Variants in IPO11 observed in about 807,000 individuals in gnomAD.
IPO11 encodes the protein importin-11.
A neutral mutation model predicts 143.2 loss-of-function variants in IPO11; 66 were observed. The ratio of observed to expected loss-of-function variants is 0.46; its 90% confidence interval spans 0.38 to 0.57. IPO11 has a LOEUF of 0.57. Among genes scored for constraint, IPO11 ranks in the 20% least tolerant of loss-of-function variants. IPO11 has a pLI of 0.00. For synonymous variants in IPO11, 385 were observed against 377.8 expected (o/e 1.02, Z -0.22); for missense variants, 1,026 against 1,141.0 (o/e 0.90, Z 1.45).
chr5:62,604,394 G>A (rs531653804), intron 29 of IPO11, among the ~76,000 whole-genome samples: 10 of 152,112 alleles, frequency 6.6e-5, no homozygotes, highest in East Asian at 3.9e-4. Context: ...TATTTTTAGT[G>A]GGCACGGGGT....
At chr5:62,523,985 T>C (rs1742286551) in intron 20 of IPO11, among the ~76,000 whole-genome samples, 1 of 152,172 alleles carries the variant, frequency 6.6e-6, no homozygotes, top group South Asian at 2.1e-4. Flanking sequence ...ATCCCATGTG[T>C]CCTTCACCCA....
Position 62,437,350 on chromosome 5 carries a change from T to G in IPO11, c.71T>G (p.Val24Gly), listed in dbSNP as rs762230614. The G allele has an allele frequency of 6.2e-7, 1 of 1,613,020 alleles. No individual in the cohort carries two copies. Among genetic ancestry groups the G allele is most frequent in the East Asian group, 2.2e-5 (1 of 44,838 alleles). The change falls in exon 2 of 30, where the codon GTG becomes GGG. Residue 24 changes from valine (V) to glycine (G), a missense_variant. By Grantham distance (109) the Val-to-Gly change is moderately radical (BLOSUM62 -3). Transcript: ENST00000325324. ...LTQATSQDTA[V>G]LKPAEEQLKQ... ...CAGGCCACCAGTCAGGATACTGCTGTGTTAAAACCAGCTGAGGAGCAGTTG... is the reference window on the plus strand; with the variant it reads ...CAGGCCACCAGTCAGGATACTGCTGGGTTAAAACCAGCTGAGGAGCAGTTG...
intron 1 of IPO11, among the ~76,000 whole-genome samples, chr5:62,426,140 AC>A (rs1299137523): frequency 1.3e-5 from 2 of 152,184 alleles, no homozygotes; most frequent in Non-Finnish European, 2.9e-5. Flanking sequence ...TAATCCCAGC[AC>A]TTTGGGAGGC....
intron 27 of IPO11, among the ~76,000 whole-genome samples, chr5:62,574,898 C>T (rs373684617): frequency 3.9e-5 from 6 of 152,198 alleles, no homozygotes; most frequent in South Asian, 2.1e-4. Context: ...CTTTTAAAGC[C>T]GCATAGTCAC....
chr5:62,535,917 G>T (rs550043704), intron 22 of IPO11, among the ~76,000 whole-genome samples: 4 of 152,084 alleles, frequency 2.6e-5, no homozygotes, highest in Non-Finnish European at 4.4e-5. Flanking sequence ...AATTTTACAC[G>T]TACAGCCTGT....
At chr5:62,516,340 C>G (rs1189314319) in intron 20 of IPO11, among the ~76,000 whole-genome samples, 1 of 151,924 alleles carries the variant, frequency 6.6e-6, no homozygotes, top group African/African-American at 2.4e-5. Context: ...GTTGCACAGG[C>G]TGGAGCACAG....
At chr5:62,480,799 T>A (rs1035039504) in intron 9 of IPO11, among the ~76,000 whole-genome samples, 2 of 152,168 alleles carry the variant, frequency 1.3e-5, no homozygotes, top group Admixed American at 6.5e-5. Flanking sequence ...TCTGAGACTT[T>A]GCTGAAGTTG....
At position 62,586,752 on chromosome 5, in the gene IPO11, CAAAAAAA is replaced by C. The variant is rs763383085; in HGVS notation, c.2583-4814_2583-4808del. On this transcript the variant is annotated intron_variant, in intron 27 of 29. Transcript: ENST00000325324. ...GGCAACAAGAGCAAAACTCAGTCTC[CAAAAAAA>C]AAAAAAAAAATATATATATATATAT... Among the ~76,000 whole-genome samples the C allele has an allele frequency of 1.6e-3, 95 of 60,448 alleles. 2 individuals are homozygous for C. Among genetic ancestry groups the C allele is most frequent in the South Asian group, 6.4e-3 (7 of 1,098 alleles). 39.7% of individuals were successfully genotyped at this position (60,448 alleles called of 152,430 possible). A position where few individuals can be genotyped will look rare whatever the true frequency, so the allele number is the denominator to read the frequency against.
chr5:62,595,137 G>C (rs1745169268), intron 28 of IPO11, among the ~76,000 whole-genome samples: 1 of 152,182 alleles, frequency 6.6e-6, no homozygotes, highest in African/African-American at 2.4e-5. Flanking sequence ...TCATTATTCA[G>C]AATCTTTGGG....
At chr5:62,448,474 G>A (rs1744796027) in intron 3 of IPO11, among the ~76,000 whole-genome samples, 2 of 152,124 alleles carry the variant, frequency 1.3e-5, no homozygotes, top group South Asian at 4.1e-4. Context: ...TGTTTAGTAT[G>A]TTTTCATTAC....
intron 1 of IPO11, among the ~76,000 whole-genome samples, chr5:62,422,794 A>G (rs1743566546): frequency 6.6e-6 from 1 of 152,106 alleles, no homozygotes. Flanking sequence ...CATACTTTAT[A>G]CTTCACCCAT....
intron 29 of IPO11, among the ~76,000 whole-genome samples, chr5:62,626,738 G>A (rs142872737): frequency 4.9e-4 from 74 of 150,526 alleles, no homozygotes; most frequent in African/African-American, 1.7e-3. Flanking sequence ...GGCAAACACT[G>A]TCTCCTTTCT....
At chr5:62,490,889 G>A (rs1746585676) in intron 15 of IPO11, among the ~76,000 whole-genome samples, 1 of 152,108 alleles carries the variant, frequency 6.6e-6, no homozygotes, top group Admixed American at 6.5e-5. Flanking sequence ...CTGAGTAGCA[G>A]GGATTACAGG....
chr5:62,461,557 GC>G (rs1469010992), intron 5 of IPO11, among the ~76,000 whole-genome samples: 1 of 152,204 alleles, frequency 6.6e-6, no homozygotes, highest in African/African-American at 2.4e-5. Flanking sequence ...CTTCATTCCA[GC>G]CATTTGTGTA....
At chr5:62,514,754 T>A (rs1741946645) in intron 19 of IPO11, among the ~76,000 whole-genome samples, 1 of 152,220 alleles carries the variant, frequency 6.6e-6, no homozygotes, top group African/African-American at 2.4e-5. Context: ...GTAGATCCAT[T>A]TTATTTTTCA....
At chr5:62,429,225 T>C (rs1156596854) in intron 1 of IPO11, among the ~76,000 whole-genome samples, 1 of 152,160 alleles carries the variant, frequency 6.6e-6, no homozygotes, top group African/African-American at 2.4e-5. Context: ...TGTTATAAAT[T>C]TGCCTGTTCT....
At chr5:62,478,154 GTTGTT>G (rs1273497260) in intron 9 of IPO11, among the ~76,000 whole-genome samples, 2 of 151,880 alleles carry the variant, frequency 1.3e-5, no homozygotes, top group Non-Finnish European at 2.9e-5. Flanking sequence ...AAGTGGTAGG[GTTGTT>G]TTGTTTTGTG....
chr5:62,452,586 T>C (rs1270059091), intron 5 of IPO11, among the ~76,000 whole-genome samples: 1 of 150,864 alleles, frequency 6.6e-6, no homozygotes, highest in Admixed American at 6.6e-5. Flanking sequence ...AGGGCAGATA[T>C]AGGAAGGAGT....
chr5:62,436,676 T>G (rs907356875), intron 1 of IPO11, among the ~76,000 whole-genome samples: 1 of 152,178 alleles, frequency 6.6e-6, no homozygotes, highest in Non-Finnish European at 1.5e-5. Context: ...AGGTTTTAGA[T>G]TTTTGTTTAA....
Sources: gnomAD v4.1 joint callset for allele counts (sites outside exome capture counted in the v4.1 genomes callset) on GRCh38, gnomAD v4.1.1 for gene constraint, MANE v1.5 for transcripts, NCBI Gene and HGNC (gene_info 2026-07-23, HGNC 2026-07-21) for gene names.